The following CCDC66 variants were observed in gnomAD, a reference collection of about 807,000 sequenced individuals.
CCDC66 encodes the protein coiled-coil domain-containing protein 66.
A neutral mutation model predicts 128.3 loss-of-function variants in CCDC66; 133 were observed. That is an observed-to-expected ratio of 1.04 (90% CI 0.90 to 1.20). The LOEUF (loss-of-function observed/expected upper bound fraction) is 1.20. Ranked by LOEUF, CCDC66 falls within the 50% of genes most tolerant of loss-of-function variation. The pLI, the probability that CCDC66 is intolerant of heterozygous loss-of-function variation, is 0.00. For missense variants in CCDC66, 1,126 were observed against 1,075.5 expected, an observed-to-expected ratio of 1.05 and a Z score of -0.66; for synonymous variants, 387 against 357.0, an observed-to-expected ratio of 1.08 and a Z score of -0.95.
At chr3:56,596,815 G>T (rs2072037039) in intron 10 of CCDC66, among the ~76,000 whole-genome samples, 1 of 141,488 alleles carries the variant, frequency 7.1e-6, no homozygotes, top group Admixed American at 7.3e-5. Flanking sequence ...GGAATGCAGT[G>T]ACGTGATCAG....
intron 17 of CCDC66, chr3:56,620,382 T>A (rs745699993): frequency 6.5e-6 from 1 of 153,052 alleles, no homozygotes; most frequent in Admixed American, 6.5e-5. Flanking sequence ...CAAACTATTG[T>A]GACTTCTTTT....
At chr3:56,567,775 C>G (rs1577297360) in intron 6 of CCDC66, among the ~76,000 whole-genome samples, 1 of 151,528 alleles carries the variant, frequency 6.6e-6, no homozygotes, top group Non-Finnish European at 1.5e-5. Flanking sequence ...TCACTGCAAG[C>G]TCCACCTCCC....
At chr3:56,565,418 C>T (rs1361724016) in intron 4 of CCDC66, among the ~76,000 whole-genome samples, 4 of 149,884 alleles carry the variant, frequency 2.7e-5, no homozygotes, top group African/African-American at 4.9e-5. Flanking sequence ...GGACTACAGG[C>T]GCATGCCACC....
intron 7 of CCDC66, chr3:56,572,311 T>G (rs2066742694): frequency 8.0e-7 from 1 of 1,252,156 alleles, no homozygotes; most frequent in Non-Finnish European, 1.0e-6. Context: ...TCACTGTTTT[T>G]CTATTTATTT....
intron 10 of CCDC66, among the ~76,000 whole-genome samples, chr3:56,598,673 A>G (rs780584054): frequency 3.3e-5 from 5 of 152,044 alleles, no homozygotes; most frequent in Non-Finnish European, 5.9e-5. Context: ...TGAGATGATC[A>G]TATGGTTTTT....
rs750192675 is a variant in CCDC66, at chr3:56,615,892, T to C, written c.1712-30T>C. On this transcript the variant is annotated intron_variant, in intron 12 of 17. Coordinates refer to ENST00000394672, the MANE Select transcript of CCDC66 (RefSeq NM_001141947.3). The stretch of plus-strand genomic sequence containing the variant: ...AATTTTTATTAATATTCCTTAAGTG[T>C]TGTTTTATCAGGTGATTTCTCTTTG... 10 of 1,557,302 alleles carry C rather than the reference T, an allele frequency of 6.4e-6. No homozygotes were observed. The African/African-American group carries it at 1.4e-4, about 21-fold the overall frequency.
chr3:56,566,318 T>C (rs1410733769), intron 4 of CCDC66, among the ~76,000 whole-genome samples: 1 of 151,906 alleles, frequency 6.6e-6, no homozygotes, highest in Non-Finnish European at 1.5e-5. Flanking sequence ...AGAGACGAGG[T>C]TTTGTCATGT....
At chr3:56,618,121 C>T (rs2075751376) in intron 14 of CCDC66, 51 bp from the exon 15 acceptor site, 3 of 1,352,564 alleles carry the variant, frequency 2.2e-6, no homozygotes, top group African/African-American at 1.4e-5. Flanking sequence ...TTTGTGGGGA[C>T]ATGTGAAGAT....
At position 56,613,570 on chromosome 3, in the gene CCDC66, C is replaced by T. The variant is rs2075129509; in HGVS notation, c.1405-19C>T. 5 of 1,603,666 alleles carry T rather than the reference C, an allele frequency of 3.1e-6. No individual in the cohort carries two copies. The highest frequency in any genetic ancestry group is 1.7e-4 in the Middle Eastern group (1 of 5,978). On this transcript the variant is annotated intron_variant, in intron 10 of 17. Coordinates refer to ENST00000394672, the MANE Select transcript of CCDC66 (RefSeq NM_001141947.3). ...GATTTTTATTTTTGACAATGATTTA[C>T]GTGATTGCTTATGACTAGAAAGCCA...
intron 6 of CCDC66, among the ~76,000 whole-genome samples, 181 bp from the exon 7 acceptor site, chr3:56,571,000 T>G (rs901954271): frequency 2.6e-5 from 4 of 152,248 alleles, no homozygotes; most frequent in African/African-American, 4.8e-5. Flanking sequence ...TGGTTCTGAT[T>G]AAATTTTTTC....
rs143579084 is a variant in CCDC66 at position 56,564,108 on chromosome 3, A to C, written c.527A>C (p.Asn176Thr). 7.2e-5 allele frequency: 115 copies of C among 1,593,630 alleles called. No individual in the cohort carries two copies. The African/African-American group carries it at 1.5e-3, about 20-fold the overall frequency. ...AATAGATCTCTTTCCCTGACTGAGA[A>C]TGGAAAGGAGGCAAAAAGTAAGATT... ...QGNRSLSLTE[N>T]GKEAKSQYSL... Residue 176 changes from asparagine to threonine, a missense_variant, in exon 4 of 18, where the codon AAT becomes ACT. Transcript: ENST00000394672.
Position 56,621,787 on chromosome 3 carries a change from A to T in CCDC66, c.*169A>T. 5.6e-6 allele frequency: 2 copies of T among 355,550 alleles called. No individual in the cohort carries two copies. Among genetic ancestry groups the T allele is most frequent in the Non-Finnish European group, 1.0e-5 (2 of 199,448 alleles). 22.0% of individuals were successfully genotyped at this position (355,550 alleles called of 1,614,324 possible). A position where few individuals can be genotyped will look rare whatever the true frequency, so the allele number is the denominator to read the frequency against. Reference sequence around the variant, plus strand: ...ATGCTGTACTTGTTCTATACAATAAAACAGATACTTCTTTTGTAAAAGCTT... The same window carrying T: ...ATGCTGTACTTGTTCTATACAATAATACAGATACTTCTTTTGTAAAAGCTT... On this transcript the variant is annotated 3_prime_UTR_variant, in exon 18 of 18. Coordinates refer to ENST00000394672, the MANE Select transcript of CCDC66 (RefSeq NM_001141947.3).
At chr3:56,613,900 C>A in intron 11 of CCDC66, 150 bp downstream of exon 11, 1 of 630,970 alleles carries the variant, frequency 1.6e-6, no homozygotes, top group Non-Finnish European at 2.8e-6. Flanking sequence ...CCACCTTGGT[C>A]TCCTCAGTAG....
chr3:56,567,791 C>T (rs74884919), intron 6 of CCDC66, among the ~76,000 whole-genome samples: 4,845 of 152,086 alleles, frequency 0.032, 107 homozygotes, highest in Middle Eastern at 0.078. Flanking sequence ...CTCCCGGGTT[C>T]ACGCCATTCT....
In CCDC66 at chr3:56,593,517, G is replaced by A; in HGVS notation, c.1095G>A (p.Met365Ile). Residue 365 changes from methionine to isoleucine, a missense_variant, in exon 9 of 18, where the codon ATG becomes ATA. Coordinates refer to ENST00000394672, the MANE Select transcript of CCDC66 (RefSeq NM_001141947.3). The stretch of plus-strand genomic sequence containing the variant: ...GTGAGGAACATGACAGATGGGCAAT[G>A]CACTTTGATTCATTAAAGAGTTATC... ...SKGEEHDRWA[M>I]HFDSLKSYPG... 6.2e-7 allele frequency: 1 copy of A among 1,614,152 alleles called. No homozygotes were observed.
chr3:56,599,587 G>A (rs1048033350), intron 10 of CCDC66, among the ~76,000 whole-genome samples: 1 of 151,396 alleles, frequency 6.6e-6, no homozygotes, highest in African/African-American at 2.4e-5. Context: ...TGGTATGTTG[G>A]GTTTAAATTT....
At chr3:56,569,156 A>G (rs111708968) in intron 6 of CCDC66, among the ~76,000 whole-genome samples, 2 of 152,322 alleles carry the variant, frequency 1.3e-5, no homozygotes, top group East Asian at 3.9e-4. Context: ...TGCTGGAGCA[A>G]CAGAGTGAGA....
intron 10 of CCDC66, among the ~76,000 whole-genome samples, chr3:56,596,673 C>T (rs536302670): frequency 6.6e-6 from 1 of 151,804 alleles, no homozygotes; most frequent in Non-Finnish European, 1.5e-5. Context: ...AACTCTATAC[C>T]AGTGTCTTGA....
intron 7 of CCDC66, chr3:56,572,441 T>G: frequency 8.1e-7 from 1 of 1,234,810 alleles, no homozygotes; most frequent in Non-Finnish European, 1.1e-6. Context: ...AAGTCCTAAG[T>G]GTCAGTACTT....
Sources: gnomAD v4.1 joint callset for allele counts (sites outside exome capture counted in the v4.1 genomes callset) on GRCh38, gnomAD v4.1.1 for gene constraint, MANE v1.5 for transcripts, NCBI Gene and HGNC (gene_info 2026-07-23, HGNC 2026-07-21) for gene names.